Variants in PLPPR1 observed in about 807,000 individuals in gnomAD.
PLPPR1 encodes the protein phospholipid phosphatase related 1, also known as phospholipid phosphatase-related protein type 1.
In PLPPR1, 10 loss-of-function variants were observed where a neutral mutation model predicts 33.1. The ratio of observed to expected loss-of-function variants is 0.30; its 90% confidence interval spans 0.19 to 0.51. The LOEUF is 0.51. Ranked by LOEUF, PLPPR1 falls within the 20% of genes least tolerant of loss-of-function variation. The pLI is 0.97. For missense variants in PLPPR1, 304 were observed against 408.1 expected (o/e 0.74, Z 2.20); for synonymous variants, 151 against 151.0 (o/e 1.00, Z 0.00).
At chr9:101,302,897 A>T (rs1257795593) in intron 4 of PLPPR1, among the ~76,000 whole-genome samples, 4 of 152,212 alleles carry the variant, frequency 2.6e-5, no homozygotes, top group Non-Finnish European at 5.9e-5. Flanking sequence ...ATCATACAAC[A>T]TGCTACTACT....
chr9:101,069,520 G>A (rs567473240), intron 1 of PLPPR1, among the ~76,000 whole-genome samples: 2 of 152,042 alleles, frequency 1.3e-5, no homozygotes, highest in Non-Finnish European at 2.9e-5. Context: ...AGGCATCTTG[G>A]ACACTCCACA....
chr9:101,107,805 C>T (rs1188282930), intron 1 of PLPPR1, among the ~76,000 whole-genome samples: 2 of 146,908 alleles, frequency 1.4e-5, no homozygotes, highest in African/African-American at 2.6e-5. Context: ...AGCGAGATTC[C>T]GTGGGCGTAG....
chr9:101,281,378 C>T (rs556629001), intron 3 of PLPPR1, among the ~76,000 whole-genome samples: 4 of 152,038 alleles, frequency 2.6e-5, no homozygotes, highest in East Asian at 1.9e-4. Context: ...AAAATACCAA[C>T]GATGTTCTTC....
intron 2 of PLPPR1, among the ~76,000 whole-genome samples, chr9:101,199,386 T>C (rs932723960): frequency 2.0e-5 from 3 of 152,182 alleles, no homozygotes; most frequent in Non-Finnish European, 4.4e-5. Context: ...TTTCCCAAGA[T>C]TTCTAACCAG....
At chr9:101,304,889 C>T (rs73656189) in intron 4 of PLPPR1, among the ~76,000 whole-genome samples, 39 of 152,300 alleles carry the variant, frequency 2.6e-4, no homozygotes, top group African/African-American at 8.7e-4. Context: ...CTCCAGAACA[C>T]GTGGATCTAG....
intron 1 of PLPPR1, chr9:101,125,657 A>C (rs557203759): frequency 1.7e-6 from 1 of 594,714 alleles, no homozygotes; most frequent in Non-Finnish European, 3.1e-6. Flanking sequence ...GATCATGGCA[A>C]TTCACATATT....
Position 101,235,459 on chromosome 9 carries a change from CTCTT to C in PLPPR1, c.64-34419_64-34416del, listed in dbSNP as rs780644120. 3.3e-5 allele frequency among the ~76,000 whole-genome samples: 5 copies of C among 151,830 alleles called. No individual in the cohort carries two copies. In the East Asian group the frequency reaches 9.7e-4, roughly 29 times the overall value. ...TCTGCAGCTGCTGTGATATTAGTCT[CTCTT>C]TAACAAAATTTTTTTAAAACCTCTA... On this transcript the variant is annotated intron_variant, in intron 2 of 7. Transcript: ENST00000374874.
At chr9:101,073,483 T>TAA (rs11443685) in intron 1 of PLPPR1, among the ~76,000 whole-genome samples, 7,680 of 149,550 alleles carry the variant, frequency 0.051, 313 homozygotes, top group African/African-American at 0.1. Flanking sequence ...AATTTTATGC[T>TAA]AAAAAAAAAA....
At chr9:101,229,321 A>G (rs1423089746) in intron 2 of PLPPR1, among the ~76,000 whole-genome samples, 1 of 152,142 alleles carries the variant, frequency 6.6e-6, no homozygotes, top group Non-Finnish European at 1.5e-5. Context: ...ACAGAAACAA[A>G]AGCTAGTTCT....
intron 2 of PLPPR1, among the ~76,000 whole-genome samples, chr9:101,202,683 T>C (rs1048744815): frequency 2.0e-5 from 3 of 152,168 alleles, no homozygotes; most frequent in African/African-American, 7.2e-5. Flanking sequence ...GCACCTCTCA[T>C]TGTGGAGAAA....
intron 1 of PLPPR1, among the ~76,000 whole-genome samples, chr9:101,138,292 G>T (rs566881383): frequency 3.3e-5 from 5 of 152,260 alleles, no homozygotes; most frequent in African/African-American, 1.2e-4. Flanking sequence ...CTTGTTAAAA[G>T]TCATGGTCAT....
intron 1 of PLPPR1, among the ~76,000 whole-genome samples, chr9:101,151,114 G>T (rs866647188): frequency 6.6e-6 from 1 of 152,004 alleles, no homozygotes; most frequent in East Asian, 1.9e-4. Context: ...GGTCCAGATG[G>T]CATGTTTTTA....
chr9:101,207,350 T>C (rs1248978695), intron 2 of PLPPR1, among the ~76,000 whole-genome samples: 1 of 152,202 alleles, frequency 6.6e-6, no homozygotes, highest in Admixed American at 6.5e-5. Context: ...CCCTCTACAC[T>C]TTAGTTGTAC....
chr9:101,291,600 A>G (rs1828510054), intron 4 of PLPPR1, among the ~76,000 whole-genome samples: 1 of 152,188 alleles, frequency 6.6e-6, no homozygotes, highest in African/African-American at 2.4e-5. Flanking sequence ...AAACTTCCAG[A>G]GGAATGATCA....
At chr9:101,253,059 T>TAA (rs1827739985) in intron 2 of PLPPR1, among the ~76,000 whole-genome samples, 1 of 152,126 alleles carries the variant, frequency 6.6e-6, no homozygotes, top group Admixed American at 6.6e-5. Flanking sequence ...AACTTTATTA[T>TAA]ATCTCTGATC....
At chr9:101,250,242 A>G (rs528939667) in intron 2 of PLPPR1, among the ~76,000 whole-genome samples, 57 of 152,030 alleles carry the variant, frequency 3.7e-4, no homozygotes, top group South Asian at 1.9e-3. Context: ...CTTTGTTCCT[A>G]TCTTAGAAAA....
intron 2 of PLPPR1, among the ~76,000 whole-genome samples, chr9:101,216,973 A>C (rs1285128625): frequency 6.6e-6 from 1 of 152,212 alleles, no homozygotes; most frequent in Non-Finnish European, 1.5e-5. Flanking sequence ...TATATAAGAA[A>C]TTCATGTATG....
At chr9:101,322,964 A>G (rs1829183360) in intron 7 of PLPPR1, among the ~76,000 whole-genome samples, 1 of 152,208 alleles carries the variant, frequency 6.6e-6, no homozygotes, top group African/African-American at 2.4e-5. Context: ...CTCTAGCCAA[A>G]AAAGTTAAAC....
At chr9:101,148,377 T>C (rs1028306995) in intron 1 of PLPPR1, among the ~76,000 whole-genome samples, 2 of 152,058 alleles carry the variant, frequency 1.3e-5, no homozygotes, top group East Asian at 1.9e-4. Context: ...AGTAAGAAAA[T>C]TGCTAGCAGC....
Sources: gnomAD v4.1 joint callset for allele counts (sites outside exome capture counted in the v4.1 genomes callset) on GRCh38, gnomAD v4.1.1 for gene constraint, MANE v1.5 for transcripts, NCBI Gene and HGNC (gene_info 2026-07-23, HGNC 2026-07-21) for gene names.